The following ZNF451 variants were observed in gnomAD, a reference collection of about 807,000 sequenced individuals.
The protein encoded by ZNF451 is zinc finger protein 451.
A neutral mutation model predicts 107.1 loss-of-function variants in ZNF451; 80 were observed. The observed-to-expected ratio is 0.75, with a 90% confidence interval of 0.62 to 0.90. The LOEUF is 0.90. Ranked by LOEUF, ZNF451 falls within the 40% of genes least tolerant of loss-of-function variation. The pLI, the probability that ZNF451 is intolerant of heterozygous loss-of-function variation, is 0.00. For synonymous variants in ZNF451, 362 were observed against 406.5 expected, an observed-to-expected ratio of 0.89 and a Z score of 1.32; for missense variants, 1,107 against 1,236.2, an observed-to-expected ratio of 0.90 and a Z score of 1.57.
At chr6:57,149,550 C>T (rs1273182234) in intron 10 of ZNF451, among the ~76,000 whole-genome samples, 1 of 151,960 alleles carries the variant, frequency 6.6e-6, no homozygotes, top group African/African-American at 2.4e-5. Context: ...TGACTTAAGT[C>T]TATATTCTTT....
At chr6:57,093,675 T>C (rs1829155920) in intron 2 of ZNF451, among the ~76,000 whole-genome samples, 1 of 152,162 alleles carries the variant, frequency 6.6e-6, no homozygotes, top group Non-Finnish European at 1.5e-5. Context: ...TTTATCATAG[T>C]AGTAGTTAGT....
chr6:57,159,885 C>T (rs1254022597), intron 13 of ZNF451, among the ~76,000 whole-genome samples: 2 of 152,066 alleles, frequency 1.3e-5, no homozygotes, highest in Non-Finnish European at 2.9e-5. Flanking sequence ...TGCACAGAAA[C>T]AAATATGTCT....
chr6:57,111,242 T>C (rs1162823263), intron 3 of ZNF451, among the ~76,000 whole-genome samples: 1 of 151,698 alleles, frequency 6.6e-6, no homozygotes, highest in Non-Finnish European at 1.5e-5. Flanking sequence ...TTTACTTTTA[T>C]TTTCTCTACA....
At chr6:57,152,154 C>G in intron 11 of ZNF451, 67 bp from the exon 12 acceptor site, 2 of 1,514,262 alleles carry the variant, frequency 1.3e-6, no homozygotes, top group Non-Finnish European at 1.8e-6. Flanking sequence ...TGTGTTTTTT[C>G]TTGATAAAAT....
intron 3 of ZNF451, among the ~76,000 whole-genome samples, chr6:57,114,351 A>G (rs1043031544): frequency 2.6e-5 from 4 of 152,358 alleles, no homozygotes; most frequent in East Asian, 3.9e-4. Flanking sequence ...ACTTTAAAAT[A>G]CAAAATCAGA....
At chr6:57,104,696 G>C (rs1451332659) in intron 3 of ZNF451, 1 of 985,172 alleles carries the variant, frequency 1.0e-6, no homozygotes, top group Non-Finnish European at 1.2e-6. Context: ...TTGTTGCGCA[G>C]CTCCTCCATT....
At position 57,147,401 on chromosome 6, in the gene ZNF451, TG is replaced by T; in HGVS notation, c.1318del (p.Glu440SerfsTer10). On this transcript the variant is annotated frameshift_variant, in exon 10 of 15. Coordinates refer to ENST00000370706, the MANE Select transcript of ZNF451 (RefSeq NM_001031623.3). LOFTEE classifies it high-confidence loss of function. ...RTMSIKESSSLECIAIPKKKM... is the reference protein window; with the variant it reads ...RTMSIKESSSXECIAIPKKKM... The stretch of plus-strand genomic sequence containing the variant: ...ATGTCTATTAAAGAATCTAGCTCAC[TG>T]GAGTGCATTGCCATTCCAAAAAAGA... 1 of 1,614,078 alleles carries T rather than the reference TG, an allele frequency of 6.2e-7. No individual in the cohort carries two copies. The highest frequency in any genetic ancestry group is 8.5e-7 in the Non-Finnish European group (1 of 1,179,960).
At chr6:57,107,409 A>G (rs1166982139) in intron 3 of ZNF451, 1 of 985,230 alleles carries the variant, frequency 1.0e-6, no homozygotes, top group African/African-American at 1.7e-5. Flanking sequence ...TTTTAAAAAA[A>G]ATATAGCCAG....
At chr6:57,112,604 T>G (rs1326125312) in intron 3 of ZNF451, among the ~76,000 whole-genome samples, 1 of 152,186 alleles carries the variant, frequency 6.6e-6, no homozygotes, top group Non-Finnish European at 1.5e-5. Flanking sequence ...ATTACTGGCT[T>G]TTTCAGTAGG....
chr6:57,168,610 T>A lies in ZNF451; in HGVS notation c.*141T>A. 1.4e-6 allele frequency: 1 copy of A among 690,840 alleles called. No homozygotes were observed. The highest frequency in any genetic ancestry group is 2.5e-6 in the Non-Finnish European group (1 of 403,974). 42.8% of individuals were successfully genotyped at this position (690,840 alleles called of 1,614,324 possible). ...TGTTTTTGCTTTCATATGTTCAAAA[T>A]CTGATCTTTGTTTTGTATTTTTGTG... On this transcript the variant is annotated 3_prime_UTR_variant, in exon 15 of 15. Transcript: ENST00000370706.
At chr6:57,103,989 C>A in intron 3 of ZNF451, 1 of 985,252 alleles carries the variant, frequency 1.0e-6, no homozygotes, top group Non-Finnish European at 1.2e-6. Context: ...CTGTATTGAT[C>A]TTGTTTGTCC....
chr6:57,099,521 T>G (rs1829487062), intron 3 of ZNF451: 1 of 716,774 alleles, frequency 1.4e-6, no homozygotes, highest in Non-Finnish European at 2.6e-6. Context: ...CCACAGAAAA[T>G]TTGTTTTCTC....
intron 3 of ZNF451, among the ~76,000 whole-genome samples, chr6:57,111,200 C>T (rs761958321): frequency 3.3e-5 from 5 of 151,376 alleles, no homozygotes; most frequent in Non-Finnish European, 7.4e-5. Flanking sequence ...GGATTGCAGG[C>T]GTGAGCCACC....
At chr6:57,104,769 G>A (rs1829771065) in intron 3 of ZNF451, 2 of 985,304 alleles carry the variant, frequency 2.0e-6, no homozygotes, top group Non-Finnish European at 2.4e-6. Flanking sequence ...ATGTTGCCCA[G>A]TAATAAGTAA....
chr6:57,164,022 G>A (rs1763795605), intron 14 of ZNF451, among the ~76,000 whole-genome samples: 1 of 152,186 alleles, frequency 6.6e-6, no homozygotes, highest in South Asian at 2.1e-4. Context: ...GCAGAAGACA[G>A]GATAAATCTG....
intron 3 of ZNF451, among the ~76,000 whole-genome samples, chr6:57,122,781 C>A (rs1351944180): frequency 2.6e-5 from 4 of 152,290 alleles, no homozygotes; most frequent in East Asian, 1.9e-4. Context: ...GGTGGAAATG[C>A]AAATTAGTTC....
At chr6:57,108,361 T>C in intron 3 of ZNF451, 5 of 985,430 alleles carry the variant, frequency 5.1e-6, no homozygotes, top group Non-Finnish European at 6.0e-6. Context: ...TTATTTGTGA[T>C]GGCTGTGTTT....
chr6:57,107,623 C>G, intron 3 of ZNF451: 1 of 985,176 alleles, frequency 1.0e-6, no homozygotes, highest in Non-Finnish European at 1.2e-6. Flanking sequence ...TAAAGTTAAC[C>G]CGTTTTCCGT....
At chr6:57,107,323 CTTTGTA>C (rs1448558824) in intron 3 of ZNF451, 1 of 984,208 alleles carries the variant, frequency 1.0e-6, no homozygotes, top group Non-Finnish European at 1.2e-6. Flanking sequence ...TTTGATGTGG[CTTTGTA>C]TTTGTATATT....
Sources: allele counts gnomAD v4.1 joint callset (sites outside exome capture counted in the v4.1 genomes callset), GRCh38; gene constraint gnomAD v4.1.1; transcripts MANE v1.5; gene names NCBI Gene and HGNC (gene_info 2026-07-23, HGNC 2026-07-21).